DPYD: variants seen among roughly 807,000 people sequenced by gnomAD.
The protein encoded by DPYD is dihydropyrimidine dehydrogenase [NADP(+)].
A neutral mutation model predicts 116.2 loss-of-function variants in DPYD; 109 were observed. That is an observed-to-expected ratio of 0.94 (90% CI 0.80 to 1.10). The LOEUF (loss-of-function observed/expected upper bound fraction) is 1.10. Among genes scored for constraint, DPYD ranks in the 50% least tolerant of loss-of-function variants. DPYD has a pLI of 0.00. For synonymous variants in DPYD, 440 were observed against 432.0 expected (o/e 1.02, Z -0.23); for missense variants, 1,302 against 1,254.5 (o/e 1.04, Z -0.57).
intron 12 of DPYD, among the ~76,000 whole-genome samples, chr1:97,536,452 CA>C (rs1197725616): frequency 2.0e-5 from 3 of 152,140 alleles, no homozygotes; most frequent in African/African-American, 7.2e-5. Flanking sequence ...GTTGTCATTT[CA>C]AAAGCCTACC....
At chr1:97,220,410 A>C (rs963599256) in intron 19 of DPYD, among the ~76,000 whole-genome samples, 3 of 152,142 alleles carry the variant, frequency 2.0e-5, no homozygotes, top group African/African-American at 7.2e-5. Flanking sequence ...TAAGAAATAC[A>C]TTCCCTTTCT....
chr1:97,868,553 A>G (rs563596320), intron 2 of DPYD, among the ~76,000 whole-genome samples: 1 of 151,982 alleles, frequency 6.6e-6, no homozygotes, highest in Non-Finnish European at 1.5e-5. Flanking sequence ...TAAACTTTGT[A>G]TTATACCCTT....
chr1:97,209,939 G>A (rs1442177480), intron 19 of DPYD, among the ~76,000 whole-genome samples: 1 of 152,124 alleles, frequency 6.6e-6, no homozygotes, highest in African/African-American at 2.4e-5. Context: ...TCCACAAACT[G>A]TTAAGGTCCT....
At chr1:97,591,681 A>C (rs1049069572) in intron 10 of DPYD, among the ~76,000 whole-genome samples, 1 of 152,192 alleles carries the variant, frequency 6.6e-6, no homozygotes, top group African/African-American at 2.4e-5. Flanking sequence ...CCAACCCTCA[A>C]GAAGTCACCT....
chr1:97,642,328 C>G (rs1464717350), intron 8 of DPYD, among the ~76,000 whole-genome samples: 1 of 152,032 alleles, frequency 6.6e-6, no homozygotes, highest in African/African-American at 2.4e-5. Flanking sequence ...ATCATGCTAC[C>G]TGACTTCAAA....
chr1:97,634,760 T>C (rs1657469594), intron 8 of DPYD, among the ~76,000 whole-genome samples: 1 of 151,986 alleles, frequency 6.6e-6, no homozygotes, highest in East Asian at 1.9e-4. Context: ...GTGGCCACAG[T>C]AGGCATACAC....
rs539854994 is a variant in DPYD at position 97,542,332 on chromosome 1, C to T, written c.1524+7228G>A. The stretch of plus-strand genomic sequence containing the variant: ...TTTATGAAAATTTGAGGAAGGTACT[C>T]CCTCCTCTGTATAGAAGCAGAACAA... On this transcript the variant is annotated intron_variant, in intron 12 of 22. Coordinates refer to ENST00000370192, the MANE Select transcript of DPYD (RefSeq NM_000110.4). Among the ~76,000 whole-genome samples, 28 of 152,234 alleles carry T rather than the reference C, an allele frequency of 1.8e-4. No homozygotes were observed. In the South Asian group the frequency reaches 5.8e-3, roughly 32 times the overall value.
intron 10 of DPYD, among the ~76,000 whole-genome samples, chr1:97,585,471 G>A (rs990152766): frequency 2.6e-5 from 4 of 152,040 alleles, no homozygotes; most frequent in Non-Finnish European, 2.9e-5. Context: ...CACATTCCAA[G>A]GATCTGTATA....
intron 4 of DPYD, among the ~76,000 whole-genome samples, chr1:97,722,699 G>A (rs941781844): frequency 1.3e-5 from 2 of 151,592 alleles, no homozygotes; most frequent in Non-Finnish European, 3.0e-5. Context: ...CATAAGTACA[G>A]ATTCCTAGTG....
intron 1 of DPYD, among the ~76,000 whole-genome samples, chr1:97,887,469 T>TAAAAAAAAAAAAAAAAAAAAAAAAAAAA (rs57316508): frequency 4.2e-5 from 2 of 47,140 alleles, no homozygotes; most frequent in African/African-American, 8.4e-5. Context: ...GACTCTGCAT[T>TAAAAAAAAAAAAAAAAAAAAAAAAAAAA]AAAAAAAAAA....
chr1:97,752,763 C>G (rs1665003268), intron 3 of DPYD, among the ~76,000 whole-genome samples: 1 of 152,178 alleles, frequency 6.6e-6, no homozygotes, highest in African/African-American at 2.4e-5. Flanking sequence ...TCTCTAATAG[C>G]ACCCCGTGGG....
At chr1:97,402,363 T>C (rs1433689958) in intron 14 of DPYD, among the ~76,000 whole-genome samples, 1 of 152,156 alleles carries the variant, frequency 6.6e-6, no homozygotes. Context: ...ACCTAAGTAT[T>C]TCATTTGTTT....
intron 13 of DPYD, among the ~76,000 whole-genome samples, chr1:97,466,638 C>A (rs1677339256): frequency 6.6e-6 from 1 of 151,712 alleles, no homozygotes; most frequent in African/African-American, 2.4e-5. Flanking sequence ...ATGAGAGAAC[C>A]TTTTTCAAAA....
At chr1:97,482,205 G>A (rs1191963233) in intron 13 of DPYD, among the ~76,000 whole-genome samples, 1 of 152,144 alleles carries the variant, frequency 6.6e-6, no homozygotes, top group African/African-American at 2.4e-5. Flanking sequence ...GAACTATACA[G>A]TTATTTAATA....
At chr1:97,547,576 A>ATT (rs769161298) in intron 12 of DPYD, among the ~76,000 whole-genome samples, 1 of 152,030 alleles carries the variant, frequency 6.6e-6, no homozygotes, top group Non-Finnish European at 1.5e-5. Context: ...AAGTTTTAAA[A>ATT]TTTTAGATTT....
chr1:97,446,581 T>C (rs1012578471), intron 14 of DPYD, among the ~76,000 whole-genome samples: 1 of 152,172 alleles, frequency 6.6e-6, no homozygotes. Context: ...TATTAATTTC[T>C]CTAACAAAGC....
At chr1:97,289,382 C>T (rs904354672) in intron 18 of DPYD, among the ~76,000 whole-genome samples, 6 of 152,056 alleles carry the variant, frequency 3.9e-5, no homozygotes, top group South Asian at 2.1e-4. Flanking sequence ...GAGACACAAT[C>T]GAAAAAGAGA....
In DPYD at chr1:97,887,469, TAAAAA is replaced by T. The variant is rs57316508; in HGVS notation, c.40-4100_40-4096del. Among the ~76,000 whole-genome samples the T allele has an allele frequency of 3.8e-3, 180 of 47,136 alleles. 2 individuals carry two copies. The highest frequency in any genetic ancestry group is 0.013 in the African/African-American group (151 of 11,880). The allele number at this position is 47,136 out of a possible 152,430, so 30.9% of individuals were successfully genotyped here. ...TGGGTGACAAAGTGAGACTCTGCAT[TAAAAA>T]AAAAAAAAAAAAAAAAAAAAAGTAT... On this transcript the variant is annotated intron_variant, in intron 1 of 22. Coordinates refer to ENST00000370192, the MANE Select transcript of DPYD (RefSeq NM_000110.4).
chr1:97,626,844 GTCTT>G (rs1304300114), intron 8 of DPYD, among the ~76,000 whole-genome samples: 24 of 152,032 alleles, frequency 1.6e-4, no homozygotes, highest in Non-Finnish European at 3.1e-4. Flanking sequence ...TATATTAGTA[GTCTT>G]TCTTTCTTTT....
Sources: allele counts gnomAD v4.1 joint callset (sites outside exome capture counted in the v4.1 genomes callset), GRCh38; gene constraint gnomAD v4.1.1; transcripts MANE v1.5; gene names NCBI Gene and HGNC (gene_info 2026-07-23, HGNC 2026-07-21).